Variants in SLC8A1 observed in about 807,000 individuals in gnomAD.
SLC8A1 encodes solute carrier family 8 member A1, also known as sodium/calcium exchanger 1.
Under a neutral mutation model 68.3 loss-of-function variants are expected in SLC8A1, and 18 were observed. The observed-to-expected ratio is 0.26, with a 90% CI of 0.18 to 0.39. The LOEUF (loss-of-function observed/expected upper bound fraction) is 0.39. Ranked by LOEUF, SLC8A1 falls within the 10% of genes least tolerant of loss-of-function variation. The probability of loss-of-function intolerance (pLI) is 1.00; values close to 1 mark genes in which losing one functional copy is unlikely to be tolerated. For missense variants in SLC8A1, 985 were observed against 1,156.7 expected (o/e 0.85, Z 2.15); for synonymous variants, 475 against 415.5 (o/e 1.14, Z -1.74).
chr2:40,110,630 G>T (rs2034499193), exon 8 of SLC8A1: 1 of 152,120 alleles, frequency 6.6e-6, no homozygotes. Flanking sequence ...TTGTAGGTCA[G>T]GTGAGATCCA....
chr2:40,147,743 G>A (rs2042720195), intron 6 of SLC8A1, among the ~76,000 whole-genome samples: 1 of 152,194 alleles, frequency 6.6e-6, no homozygotes, highest in Admixed American at 6.5e-5. Context: ...AAGGGTAAAT[G>A]TATACCCAAG....
Position 40,414,746 on chromosome 2 carries a change from G to C in SLC8A1, c.1808+13727C>G, listed in dbSNP as rs150736818. 4.8e-3 allele frequency among the ~76,000 whole-genome samples: 732 copies of C among 151,876 alleles called. 5 individuals are homozygous for C. Among genetic ancestry groups the C allele is most frequent in the Non-Finnish European group, 8.2e-3 (558 of 67,948 alleles). On this transcript the variant is annotated intron_variant, in intron 2 of 7. Coordinates refer to ENST00000406785, the Ensembl canonical transcript of SLC8A1. ...ATTAATTTGCCATACATTTATGATA[G>C]GTCAATATATTTATTATGGAAACAT... is the stretch of plus-strand genomic sequence containing the variant.
intron 1 of SLC8A1, among the ~76,000 whole-genome samples, chr2:40,500,420 A>G (rs1705980726): frequency 6.6e-6 from 1 of 152,112 alleles, no homozygotes; most frequent in African/African-American, 2.4e-5. Flanking sequence ...AACTTATTAA[A>G]AGCCCCAATA....
At chr2:40,227,805 C>A (rs402307) in intron 2 of SLC8A1, among the ~76,000 whole-genome samples, 21,000 of 152,018 alleles carry the variant, frequency 0.14, 1,800 homozygotes, top group African/African-American at 0.22. Flanking sequence ...AGGCACTGAA[C>A]AATGACAGCA....
intron 2 of SLC8A1, chr2:40,195,614 C>T (rs941062391): frequency 5.3e-5 from 8 of 151,588 alleles, no homozygotes; most frequent in Admixed American, 1.3e-4. Flanking sequence ...TGCAAGGGTC[C>T]GAACATGGGA....
chr2:40,494,153 G>A (rs937744752), intron 1 of SLC8A1, among the ~76,000 whole-genome samples: 1 of 151,802 alleles, frequency 6.6e-6, no homozygotes, highest in African/African-American at 2.4e-5. Flanking sequence ...ACTCTGACAG[G>A]TCTGGCTGTC....
chr2:40,395,272 G>C (rs1229514077), intron 2 of SLC8A1, among the ~76,000 whole-genome samples: 4 of 152,132 alleles, frequency 2.6e-5, no homozygotes, highest in Non-Finnish European at 1.5e-5. Flanking sequence ...TCCGGCCTGA[G>C]TCTCCTGACT....
chr2:40,321,982 T>C (rs886213941), intron 2 of SLC8A1, among the ~76,000 whole-genome samples: 1 of 152,200 alleles, frequency 6.6e-6, no homozygotes, highest in Non-Finnish European at 1.5e-5. Context: ...CAACTTAGGG[T>C]ATGCTGGTGA....
chr2:40,274,308 G>A (rs1249810152), intron 2 of SLC8A1, among the ~76,000 whole-genome samples: 1 of 151,136 alleles, frequency 6.6e-6, no homozygotes, highest in East Asian at 1.9e-4. Flanking sequence ...TGCTTATTTT[G>A]TAAATAAACA....
At chr2:40,150,480 C>G (rs10167639) in intron 6 of SLC8A1, among the ~76,000 whole-genome samples, 41,425 of 152,070 alleles carry the variant, frequency 0.27, 6,060 homozygotes, top group East Asian at 0.62. Context: ...AAAGTCCCCT[C>G]ATGCCTCACA....
intron 2 of SLC8A1, among the ~76,000 whole-genome samples, chr2:40,264,388 G>A (rs1272837777): frequency 1.3e-5 from 2 of 152,014 alleles, no homozygotes; most frequent in African/African-American, 2.4e-5. Flanking sequence ...CTGCTATAAA[G>A]ACACATGCAC....
chr2:40,280,772 G>C (rs529285508), intron 2 of SLC8A1, among the ~76,000 whole-genome samples: 1 of 152,146 alleles, frequency 6.6e-6, no homozygotes, highest in African/African-American at 2.4e-5. Flanking sequence ...CCTAAGAAGA[G>C]GTGACATCTG....
At chr2:40,480,894 T>C (rs1260443879) in intron 1 of SLC8A1, among the ~76,000 whole-genome samples, 4 of 152,208 alleles carry the variant, frequency 2.6e-5, no homozygotes, top group African/African-American at 7.2e-5. Flanking sequence ...AACTTATTTT[T>C]TGAAGAGATT....
At chr2:40,395,006 T>C (rs1686470042) in intron 2 of SLC8A1, among the ~76,000 whole-genome samples, 1 of 152,156 alleles carries the variant, frequency 6.6e-6, no homozygotes, top group Admixed American at 6.6e-5. Context: ...TGTGCACAAA[T>C]GCTCATGTCT....
At chr2:40,169,061 G>A (rs1360075676) in intron 4 of SLC8A1, among the ~76,000 whole-genome samples, 1 of 152,170 alleles carries the variant, frequency 6.6e-6, no homozygotes, top group Admixed American at 6.5e-5. Flanking sequence ...TAGGTACCTG[G>A]CATCTGGGGA....
intron 2 of SLC8A1, among the ~76,000 whole-genome samples, chr2:40,243,474 C>T (rs1020818591): frequency 2.0e-5 from 3 of 151,984 alleles, no homozygotes; most frequent in Non-Finnish European, 2.9e-5. Context: ...CAAAGTGAGA[C>T]CCTGTCTCAA....
chr2:40,370,523 G>A lies in SLC8A1; in HGVS notation c.1808+57950C>T, dbSNP rs574465579. On this transcript the variant is annotated intron_variant, in intron 2 of 7. Coordinates refer to ENST00000406785, the Ensembl canonical transcript of SLC8A1. ...AATTGACAGGCTAAACTATCCTTGC[G>A]TCTAACAAAACATCCTGGAAAAAAC... Among the ~76,000 whole-genome samples the A allele has an allele frequency of 9.2e-5, 14 of 152,076 alleles. No individual in the cohort carries two copies. The South Asian group carries it at 1.5e-3, about 16-fold the overall frequency.
chr2:40,310,872 A>C (rs1028041314), intron 2 of SLC8A1, among the ~76,000 whole-genome samples: 7 of 152,142 alleles, frequency 4.6e-5, no homozygotes, highest in Non-Finnish European at 1.0e-4. Context: ...CCCTTATACT[A>C]TGTGACAATC....
At chr2:40,131,519 G>A (rs909773652) in intron 7 of SLC8A1, among the ~76,000 whole-genome samples, 11 of 152,202 alleles carry the variant, frequency 7.2e-5, no homozygotes, top group Non-Finnish European at 4.4e-5. Flanking sequence ...GGGCATTTTT[G>A]TGTTCGCTCC....
Sources: allele counts gnomAD v4.1 joint callset (sites outside exome capture counted in the v4.1 genomes callset), GRCh38; gene constraint gnomAD v4.1.1; transcripts MANE v1.5; gene names NCBI Gene and HGNC (gene_info 2026-07-23, HGNC 2026-07-21).